The following ROBO2 variants were observed in gnomAD, a reference collection of about 807,000 sequenced individuals.
The protein encoded by ROBO2 is roundabout guidance receptor 2.
In ROBO2, 53 loss-of-function variants were observed where a neutral mutation model predicts 160.8. The ratio of observed to expected loss-of-function variants is 0.33; its 90% CI spans 0.26 to 0.41. ROBO2 has a LOEUF of 0.41. ROBO2 is among the 10% of genes least tolerant of loss of function. The pLI, the probability that ROBO2 is intolerant of heterozygous loss-of-function variation, is 1.00. For synonymous variants in ROBO2, 664 were observed against 611.7 expected (o/e 1.09, Z -1.26); for missense variants, 1,577 against 1,722.4 (o/e 0.92, Z 1.49).
At chr3:77,165,191 G>A (rs1433784525) in intron 2 of ROBO2, among the ~76,000 whole-genome samples, 2 of 150,912 alleles carry the variant, frequency 1.3e-5, no homozygotes, top group Non-Finnish European at 3.0e-5. Flanking sequence ...GTAGACATGG[G>A]AGACTTTTCA....
rs187890982 is a variant in ROBO2, at chr3:76,731,607, G to C, written c.110-366407G>C. Among the ~76,000 whole-genome samples the C allele has an allele frequency of 3.1e-3, 466 of 152,242 alleles. 3 individuals carry two copies. The highest frequency in any genetic ancestry group is 6.3e-3 in the Admixed American group (96 of 15,288). ...AATAATTTTCCTATTGGACAGAATAGTGACTCTGTTACTGTATTTGGATCC... is the reference window on the plus strand; with the variant it reads ...AATAATTTTCCTATTGGACAGAATACTGACTCTGTTACTGTATTTGGATCC... On this transcript the variant is annotated intron_variant, in intron 2 of 26. Coordinates refer to the ROBO2 transcript ENST00000487694.
intron 2 of ROBO2, among the ~76,000 whole-genome samples, chr3:77,198,153 A>G (rs967318895): frequency 1.3e-5 from 2 of 152,226 alleles, no homozygotes; most frequent in Non-Finnish European, 2.9e-5. Flanking sequence ...TCAAATTTTG[A>G]TAACCCATAA....
intron 2 of ROBO2, among the ~76,000 whole-genome samples, chr3:76,233,770 A>G (rs1704766745): frequency 6.6e-6 from 1 of 151,982 alleles, no homozygotes; most frequent in Non-Finnish European, 1.5e-5. Context: ...TTAGATTCAA[A>G]CAATTCATAA....
chr3:76,263,019 A>C (rs1706862647), intron 2 of ROBO2, among the ~76,000 whole-genome samples: 1 of 152,132 alleles, frequency 6.6e-6, no homozygotes, highest in African/African-American at 2.4e-5. Flanking sequence ...CAAACTCAAC[A>C]TGCCATCAGT....
intron 2 of ROBO2, among the ~76,000 whole-genome samples, chr3:77,139,863 C>T (rs946787284): frequency 1.3e-5 from 2 of 152,132 alleles, no homozygotes; most frequent in Non-Finnish European, 2.9e-5. Context: ...ATTTTCCCAT[C>T]AAGGCAAATC....
At chr3:77,022,101 G>A (rs144719353) in intron 2 of ROBO2, among the ~76,000 whole-genome samples, 197 of 152,244 alleles carry the variant, frequency 1.3e-3, no homozygotes, top group African/African-American at 4.5e-3. Flanking sequence ...CAGGCATGGT[G>A]GCTTATGCCT....
At chr3:77,126,782 CTT>C (rs11365042) in intron 2 of ROBO2, among the ~76,000 whole-genome samples, 1,497 of 62,392 alleles carry the variant, frequency 0.024, 17 homozygotes, top group East Asian at 0.18. Context: ...TTTGAAACTT[CTT>C]TTTTTTTTTT....
chr3:76,092,391 A>G (rs1218704180), intron 2 of ROBO2, among the ~76,000 whole-genome samples: 1 of 152,182 alleles, frequency 6.6e-6, no homozygotes, highest in South Asian at 2.1e-4. Flanking sequence ...TCTTGATTCT[A>G]AATAGCTAAC....
intron 17 of ROBO2, among the ~76,000 whole-genome samples, chr3:77,590,585 G>T (rs1001232839): frequency 1.3e-5 from 2 of 152,050 alleles, no homozygotes; most frequent in Non-Finnish European, 2.9e-5. Flanking sequence ...GGACTATTTT[G>T]TGTTTATCCC....
intron 17 of ROBO2, among the ~76,000 whole-genome samples, chr3:77,590,341 A>G (rs895789611): frequency 6.6e-6 from 1 of 152,142 alleles, no homozygotes; most frequent in African/African-American, 2.4e-5. Flanking sequence ...ATATCACTTC[A>G]ACAGTGAAGG....
intron 1 of ROBO2, among the ~76,000 whole-genome samples, chr3:77,078,683 TA>T (rs1280984017): frequency 1.3e-5 from 2 of 152,206 alleles, no homozygotes; most frequent in Non-Finnish European, 1.5e-5. Context: ...GTAGCAAATG[TA>T]AAACAGAGTT....
At chr3:76,439,257 GGGAAAA>G (rs2076816323) in intron 2 of ROBO2, among the ~76,000 whole-genome samples, 1 of 151,264 alleles carries the variant, frequency 6.6e-6, no homozygotes, top group African/African-American at 2.4e-5. Context: ...TAGAACTAGT[GGGAAAA>G]CAGAAACAAA....
intron 2 of ROBO2, among the ~76,000 whole-genome samples, chr3:76,157,023 T>C (rs2072433671): frequency 6.6e-6 from 1 of 151,928 alleles, no homozygotes; most frequent in Non-Finnish European, 1.5e-5. Context: ...TTAAAGTATG[T>C]GTGTGGATAT....
chr3:76,516,507 G>A (rs2081354112), intron 2 of ROBO2, among the ~76,000 whole-genome samples: 1 of 152,114 alleles, frequency 6.6e-6, no homozygotes. Flanking sequence ...GAGACACAAT[G>A]TATTATAAGA....
At chr3:76,390,606 G>T (rs2077103434) in intron 2 of ROBO2, among the ~76,000 whole-genome samples, 1 of 152,136 alleles carries the variant, frequency 6.6e-6, no homozygotes. Flanking sequence ...AGTTGGACCT[G>T]TACACTTAAA....
At chr3:76,980,476 A>C (rs2060040360) in intron 2 of ROBO2, among the ~76,000 whole-genome samples, 1 of 152,198 alleles carries the variant, frequency 6.6e-6, no homozygotes, top group African/African-American at 2.4e-5. Flanking sequence ...AGTGAAAGAA[A>C]TTATGCTAGG....
chr3:77,599,022 G>C (rs2094373894), intron 19 of ROBO2, among the ~76,000 whole-genome samples: 1 of 152,036 alleles, frequency 6.6e-6, no homozygotes, highest in African/African-American at 2.4e-5. Flanking sequence ...TAACAAAAGG[G>C]TACACCTGGA....
chr3:76,076,957 C>G (rs1435415908), intron 2 of ROBO2, among the ~76,000 whole-genome samples: 2 of 152,126 alleles, frequency 1.3e-5, no homozygotes, highest in African/African-American at 4.8e-5. Flanking sequence ...TGGATTTATC[C>G]TGAAGTTGGA....
chr3:77,507,404 C>A (rs112536399), intron 5 of ROBO2, among the ~76,000 whole-genome samples: 66 of 152,148 alleles, frequency 4.3e-4, no homozygotes, highest in Non-Finnish European at 8.5e-4. Flanking sequence ...AAATAGATGG[C>A]ACATTCGGAA....
Sources: gnomAD v4.1 joint callset for allele counts (sites outside exome capture counted in the v4.1 genomes callset) on GRCh38, gnomAD v4.1.1 for gene constraint, MANE v1.5 for transcripts, NCBI Gene and HGNC (gene_info 2026-07-23, HGNC 2026-07-21) for gene names.